The following CHD6 variants were observed in gnomAD, a reference collection of about 807,000 sequenced individuals.
The protein encoded by CHD6 is chromodomain helicase DNA binding protein 6.
A neutral mutation model predicts 276.9 loss-of-function variants in CHD6; 50 were observed. That is an observed-to-expected ratio of 0.18 (90% CI 0.14 to 0.23). CHD6 has a LOEUF of 0.23. CHD6 is among the 10% of genes least tolerant of loss of function. The pLI is 1.00. For synonymous variants in CHD6, 1,173 were observed against 1,229.3 expected (o/e 0.95, Z 0.96); for missense variants, 2,564 against 3,365.8 (o/e 0.76, Z 5.89).
At chr20:41,490,496 A>G (rs1274245764) in intron 11 of CHD6, among the ~76,000 whole-genome samples, 1 of 152,172 alleles carries the variant, frequency 6.6e-6, no homozygotes, top group Non-Finnish European at 1.5e-5. Flanking sequence ...GCAAAGTAAA[A>G]ATAGAGCAAA....
At chr20:41,486,419 G>C (rs1051363833) in intron 14 of CHD6, among the ~76,000 whole-genome samples, 1 of 152,194 alleles carries the variant, frequency 6.6e-6, no homozygotes, top group Non-Finnish European at 1.5e-5. Context: ...CAAAAACGGA[G>C]AGAAGGTTAG....
At chr20:41,448,962 C>T (rs542360837) in intron 23 of CHD6, among the ~76,000 whole-genome samples, 4 of 150,478 alleles carry the variant, frequency 2.7e-5, no homozygotes, top group South Asian at 4.2e-4. Flanking sequence ...AGTGCAATGG[C>T]GCGATCTTGG....
intron 1 of CHD6, among the ~76,000 whole-genome samples, chr20:41,591,407 C>CACACACACACAT (rs1398296795): frequency 2.2e-5 from 3 of 134,382 alleles, no homozygotes; most frequent in Admixed American, 7.4e-5. Flanking sequence ...CACACACACA[C>CACACACACACAT]ATATATATAT....
At chr20:41,606,903 A>C (rs181942873) in intron 1 of CHD6, among the ~76,000 whole-genome samples, 10 of 152,306 alleles carry the variant, frequency 6.6e-5, no homozygotes, top group African/African-American at 2.4e-4. Flanking sequence ...ATTCTAATAC[A>C]CAACAAAGTT....
At position 41,415,250 on chromosome 20, in the gene CHD6, TTCCGCCTCCCTC is replaced by T. The variant is rs1196777410; in HGVS notation, c.6863_6874del (p.Arg2288_Arg2291del). On this transcript the variant is annotated inframe_deletion, in exon 34 of 37. Transcript: ENST00000373233. ...GAGGTCCATCCCTCCTTCAACATGT[TTCCGCCTCCCTC>T]TCCGCCTCCTCGTGGCTGCATCATC... is the stretch of plus-strand genomic sequence containing the variant. 6.2e-7 allele frequency: 1 copy of T among 1,614,142 alleles called. No individual in the cohort carries two copies. The highest frequency in any genetic ancestry group is 1.7e-5 in the Admixed American group (1 of 60,022).
chr20:41,513,829 GTC>G (rs2044181079), intron 4 of CHD6, among the ~76,000 whole-genome samples: 1 of 152,140 alleles, frequency 6.6e-6, no homozygotes, highest in African/African-American at 2.4e-5. Context: ...CCTCCTGAGT[GTC>G]TCTCTTCTGT....
intron 2 of CHD6, among the ~76,000 whole-genome samples, chr20:41,546,675 G>A (rs1486471981): frequency 1.3e-5 from 2 of 152,118 alleles, no homozygotes; most frequent in African/African-American, 4.8e-5. Flanking sequence ...TGCCACATAG[G>A]TTTTCAATGA....
rs138414769 is a variant in CHD6 at position 41,576,850 on chromosome 20, G to A, written c.-23-25490C>T. Among the ~76,000 whole-genome samples the A allele has an allele frequency of 7.9e-5, 12 of 152,270 alleles. No homozygotes were observed. In the East Asian group the frequency reaches 2.1e-3, roughly 27 times the overall value. On this transcript the variant is annotated intron_variant, in intron 1 of 36. Transcript: ENST00000373233. The stretch of plus-strand genomic sequence containing the variant: ...CAATGTTCAGATTCTTGAGGATGTA[G>A]TCATGTTCTCACCCACACAGATTAA...
At chr20:41,550,461 G>A (rs1274003257) in intron 2 of CHD6, among the ~76,000 whole-genome samples, 1 of 152,152 alleles carries the variant, frequency 6.6e-6, no homozygotes, top group African/African-American at 2.4e-5. Flanking sequence ...AGACCAGGGG[G>A]TAGTCCTTGT....
intron 5 of CHD6, among the ~76,000 whole-genome samples, chr20:41,508,889 A>G (rs1427322856): frequency 6.6e-6 from 1 of 152,206 alleles, no homozygotes; most frequent in African/African-American, 2.4e-5. Flanking sequence ...TTTCCTTTCT[A>G]ATACAGAGGC....
At chr20:41,462,952 G>A (rs1001425242) in intron 17 of CHD6, among the ~76,000 whole-genome samples, 4 of 152,204 alleles carry the variant, frequency 2.6e-5, no homozygotes, top group Non-Finnish European at 4.4e-5. Flanking sequence ...CAGTGTGCTA[G>A]AGAAATGGCT....
chr20:41,451,608 C>G (rs1240808025), intron 22 of CHD6, among the ~76,000 whole-genome samples: 1 of 152,176 alleles, frequency 6.6e-6, no homozygotes, highest in Non-Finnish European at 1.5e-5. Context: ...ATGTGGGAAA[C>G]TTTAAGAGGG....
chr20:41,609,093 A>C (rs778726562), intron 1 of CHD6, among the ~76,000 whole-genome samples: 2 of 152,198 alleles, frequency 1.3e-5, no homozygotes, highest in Admixed American at 6.5e-5. Flanking sequence ...TCCAACTATC[A>C]GATCTAAATT....
chr20:41,588,894 C>T (rs910582119), intron 1 of CHD6, among the ~76,000 whole-genome samples: 1 of 151,872 alleles, frequency 6.6e-6, no homozygotes, highest in Non-Finnish European at 1.5e-5. Context: ...TTAAGAAAGC[C>T]AGGAAAAGAG....
chr20:41,504,995 C>T (rs1254451776), intron 5 of CHD6, among the ~76,000 whole-genome samples: 2 of 152,158 alleles, frequency 1.3e-5, no homozygotes, highest in African/African-American at 4.8e-5. Flanking sequence ...CAGTCAGAGA[C>T]TGAGTTGGGT....
chr20:41,583,699 A>C (rs1416997511), intron 1 of CHD6, among the ~76,000 whole-genome samples: 1 of 152,186 alleles, frequency 6.6e-6, no homozygotes, highest in African/African-American at 2.4e-5. Flanking sequence ...TGTATTGTAG[A>C]GATTATAAAA....
At chr20:41,564,129 A>G in intron 1 of CHD6, 4 of 771,324 alleles carry the variant, frequency 5.2e-6, no homozygotes, top group East Asian at 4.9e-5. Flanking sequence ...ACAAAAGCCA[A>G]TCATATGAGA....
intron 1 of CHD6, among the ~76,000 whole-genome samples, chr20:41,601,068 TC>T (rs1452818803): frequency 6.6e-6 from 1 of 152,232 alleles, no homozygotes; most frequent in Admixed American, 6.5e-5. Flanking sequence ...TTTCACTTAA[TC>T]TTTCTGTGAC....
At position 41,426,146 on chromosome 20, in the gene CHD6, G is replaced by T. The variant is rs1201917747; in HGVS notation, c.4076C>A (p.Ser1359Tyr). 1.2e-6 allele frequency: 2 copies of T among 1,612,334 alleles called. No individual in the cohort carries two copies. Among genetic ancestry groups the T allele is most frequent in the African/African-American group, 2.7e-5 (2 of 74,858 alleles). Reference protein sequence around the residue: ...VDGLQKQTESSSDGGDGVFSE... With the variant: ...VDGLQKQTESYSDGGDGVFSE... ...AAAAACGCCATCACCTCCATCACTG[G>T]AACTCTCCTAGGGATAAATAAAGCC... is the stretch of plus-strand genomic sequence containing the variant. The change falls in exon 28 of 37, where the codon TCC becomes TAC. Residue 1359 changes from serine to tyrosine, a missense_variant. By Grantham distance (144) the Ser-to-Tyr change is moderately radical. Coordinates refer to ENST00000373233, the MANE Select transcript of CHD6 (RefSeq NM_032221.5).
Sources: gnomAD v4.1 joint callset for allele counts (sites outside exome capture counted in the v4.1 genomes callset) on GRCh38, gnomAD v4.1.1 for gene constraint, MANE v1.5 for transcripts, NCBI Gene and HGNC (gene_info 2026-07-23, HGNC 2026-07-21) for gene names.